ARK2C: variants seen among roughly 807,000 people sequenced by gnomAD.
ARK2C encodes E3 ubiquitin-protein ligase ARK2C.
the ARK2C span, chr18:46,435,357 A>G: frequency 6.2e-7 from 1 of 1,614,170 alleles, no homozygotes; most frequent in East Asian, 2.2e-5. Flanking sequence ...GGCCAACTGC[A>G]GACACCTCAG....
the ARK2C span, among the ~76,000 whole-genome samples, chr18:46,451,458 C>T: frequency 6.6e-6 from 1 of 151,922 alleles, no homozygotes; most frequent in African/African-American, 2.4e-5. Flanking sequence ...GATAGATAAA[C>T]ATACAGTGGC....
chr18:46,390,004 A>G, the ARK2C span, among the ~76,000 whole-genome samples: 1 of 152,180 alleles, frequency 6.6e-6, no homozygotes, highest in Admixed American at 6.5e-5. Context: ...CTTGGACTAT[A>G]GGCGTGAGCC....
At chr18:46,456,203 A>G in the ARK2C span, 1 of 691,280 alleles carries the variant, frequency 1.4e-6, no homozygotes, top group Non-Finnish European at 2.6e-6. Context: ...CAAGTGTGCT[A>G]TAATGTGCTT....
chr18:46,446,827 T>C, the ARK2C span, among the ~76,000 whole-genome samples: 539 of 152,272 alleles, frequency 3.5e-3, no homozygotes, highest in Middle Eastern at 6.8e-3. Flanking sequence ...CCTGCAGTTA[T>C]TCTTGTCAAC....
At chr18:46,437,238 A>G in the ARK2C span, among the ~76,000 whole-genome samples, 1 of 151,804 alleles carries the variant, frequency 6.6e-6, no homozygotes, top group Non-Finnish European at 1.5e-5. Flanking sequence ...CCCAAGTAGG[A>G]TGCTGATTCT....
At chr18:46,456,447 G>C in the ARK2C span, 1 of 1,105,746 alleles carries the variant, frequency 9.0e-7, no homozygotes, top group South Asian at 1.3e-5. Flanking sequence ...AGGAGTCCTA[G>C]GTGTGTGTCC....
chr18:46,340,728 T>C, the ARK2C span, among the ~76,000 whole-genome samples: 8,445 of 152,310 alleles, frequency 0.055, 307 homozygotes, highest in Middle Eastern at 0.19. Flanking sequence ...ACCTACCTGA[T>C]AGGCTATGTC....
chr18:46,437,629 T>A, the ARK2C span, among the ~76,000 whole-genome samples: 1 of 152,168 alleles, frequency 6.6e-6, no homozygotes, highest in Non-Finnish European at 1.5e-5. Flanking sequence ...AAGCAGCTTC[T>A]CTCAGCTGGG....
chr18:46,446,521 G>C, the ARK2C span, among the ~76,000 whole-genome samples: 1 of 151,628 alleles, frequency 6.6e-6, no homozygotes, highest in African/African-American at 2.4e-5. Context: ...AACTACAAAA[G>C]TTATCCGGGC....
At chr18:46,433,664 G>T in the ARK2C span, among the ~76,000 whole-genome samples, 3 of 152,238 alleles carry the variant, frequency 2.0e-5, no homozygotes, top group African/African-American at 7.2e-5. Flanking sequence ...TCCCTGGCCT[G>T]GCCGGCAGTC....
At chr18:46,452,836 G>A in the ARK2C span, among the ~76,000 whole-genome samples, 9 of 152,088 alleles carry the variant, frequency 5.9e-5, no homozygotes, top group African/African-American at 2.2e-4. Flanking sequence ...TTTGACTCTC[G>A]GTTCTACCCC....
At chr18:46,341,655 A>C in the ARK2C span, among the ~76,000 whole-genome samples, 2 of 152,152 alleles carry the variant, frequency 1.3e-5, no homozygotes, top group South Asian at 2.1e-4. Flanking sequence ...GAACTTCAAC[A>C]ATAAAAATTC....
the ARK2C span, among the ~76,000 whole-genome samples, chr18:46,416,047 T>A: frequency 3.3e-5 from 5 of 152,262 alleles, no homozygotes; most frequent in East Asian, 9.7e-4. Flanking sequence ...GGCATTTTCA[T>A]GGCTAATTAA....
the ARK2C span, chr18:46,462,775 T>A: frequency 6.6e-6 from 1 of 152,438 alleles, no homozygotes; most frequent in Non-Finnish European, 1.5e-5. Flanking sequence ...CCCTCACCCT[T>A]GAGCCCCTCC....
At chr18:46,348,875 A>G in the ARK2C span, among the ~76,000 whole-genome samples, 1 of 150,148 alleles carries the variant, frequency 6.7e-6, no homozygotes, top group African/African-American at 2.5e-5. Context: ...AAACTATCTG[A>G]CCACAGAACT....
the ARK2C span, chr18:46,450,539 G>T: frequency 1.2e-6 from 1 of 815,342 alleles, no homozygotes; most frequent in African/African-American, 1.7e-5. Flanking sequence ...AAGAGAAGAA[G>T]GGAGAGCCAG....
chr18:46,408,341 C>T, the ARK2C span, among the ~76,000 whole-genome samples: 5 of 152,230 alleles, frequency 3.3e-5, no homozygotes, highest in Non-Finnish European at 5.9e-5. Flanking sequence ...TCTCTTGGTC[C>T]CACCTCCCTT....
the ARK2C span, among the ~76,000 whole-genome samples, chr18:46,421,988 TAGAG>T: frequency 6.6e-6 from 1 of 152,054 alleles, no homozygotes; most frequent in Non-Finnish European, 1.5e-5. Flanking sequence ...AACCAATAGA[TAGAG>T]AGGGAGGAAA....
the ARK2C span, among the ~76,000 whole-genome samples, chr18:46,411,274 G>A: frequency 6.6e-6 from 1 of 152,210 alleles, no homozygotes; most frequent in Admixed American, 6.5e-5. Flanking sequence ...AAGTAGCTTT[G>A]GGTTGGGTGA....
Sources: gnomAD v4.1 joint callset for allele counts (sites outside exome capture counted in the v4.1 genomes callset) on GRCh38, gnomAD v4.1.1 for gene constraint, MANE v1.5 for transcripts, NCBI Gene and HGNC (gene_info 2026-07-23, HGNC 2026-07-21) for gene names.